KIFAP3: variants seen among roughly 807,000 people sequenced by gnomAD.
KIFAP3 encodes kinesin-associated protein 3.
In KIFAP3, 68 loss-of-function variants were observed where a neutral mutation model predicts 106.5. The observed-to-expected ratio is 0.64, with a 90% CI of 0.53 to 0.78. KIFAP3 has a LOEUF of 0.78. Among genes scored for constraint, KIFAP3 ranks in the 30% least tolerant of loss-of-function variants. The probability of loss-of-function intolerance (pLI) is 0.00; values close to 1 mark genes in which losing one functional copy is unlikely to be tolerated. For synonymous variants in KIFAP3, 320 were observed against 311.5 expected, an observed-to-expected ratio of 1.03 and a Z score of -0.29; for missense variants, 780 against 941.8, an observed-to-expected ratio of 0.83 and a Z score of 2.25.
chr1:170,076,229 CA>C (rs1316236525), upstream of KIFAP3, among the ~76,000 whole-genome samples: 9 of 151,616 alleles, frequency 5.9e-5, no homozygotes. Context: ...ACAACAACAA[CA>C]AAAAAACCTA....
chr1:169,935,192 T>C (rs115240859), intron 19 of KIFAP3, among the ~76,000 whole-genome samples: 57 of 152,162 alleles, frequency 3.7e-4, no homozygotes, highest in African/African-American at 1.3e-3. Context: ...AGCATGAAGT[T>C]TGGGCACCTA....
rs777752899 is a variant in KIFAP3 at position 169,992,234 on chromosome 1, ATTTG to A, written c.1201_1204del (p.Gln401Ter). ...TATGTGGTAAAGAACACACATTGCT[ATTTG>A]TTTGTAGTTGTCATTGCCTAGGAAT... On this transcript the variant is annotated frameshift_variant, in exon 11 of 20. Transcript: ENST00000361580. LOFTEE classifies it high-confidence loss of function. 5 of 1,576,786 alleles carry A rather than the reference ATTTG, an allele frequency of 3.2e-6. No homozygotes were observed. Among genetic ancestry groups the A allele is most frequent in the Non-Finnish European group, 4.3e-6 (5 of 1,162,954 alleles).
chr1:169,983,449 T>A lies in KIFAP3; in HGVS notation c.1394-67A>T, dbSNP rs538617343. On this transcript the variant is annotated intron_variant, in intron 12 of 19. Transcript: ENST00000361580. Reference sequence around the variant, plus strand: ...AGTTTAATAATTTTTTGTTTAGTTCTCAAAAAAGCCACAACAATTTACATC... The same window carrying A: ...AGTTTAATAATTTTTTGTTTAGTTCACAAAAAAGCCACAACAATTTACATC... 12 of 1,044,244 alleles carry A rather than the reference T, an allele frequency of 1.1e-5. No individual in the cohort carries two copies. The Admixed American group carries it at 2.7e-4, about 23-fold the overall frequency. 64.7% of individuals were successfully genotyped at this position (1,044,244 alleles called of 1,614,324 possible). A position where few individuals can be genotyped will look rare whatever the true frequency, so the allele number is the denominator to read the frequency against.
intron 5 of KIFAP3, among the ~76,000 whole-genome samples, chr1:170,037,567 T>TAA (rs754282799): frequency 5.1e-5 from 7 of 137,552 alleles, no homozygotes; most frequent in African/African-American, 1.3e-4. Flanking sequence ...CTGTCTCTAC[T>TAA]AAAAAAAAAA....
intron 3 of KIFAP3, among the ~76,000 whole-genome samples, chr1:170,039,757 T>C (rs910285707): frequency 1.7e-4 from 26 of 152,188 alleles, no homozygotes; most frequent in African/African-American, 3.4e-4. Flanking sequence ...TATAGAATAG[T>C]TGCTAACTGG....
At chr1:169,971,545 A>C (rs1665919804) in intron 17 of KIFAP3, among the ~76,000 whole-genome samples, 1 of 152,076 alleles carries the variant, frequency 6.6e-6, no homozygotes. Flanking sequence ...AGTCAAATCC[A>C]AAAAACAGAT....
chr1:170,081,943 A>T (rs1346513534), intron 1 of KIFAP3, among the ~76,000 whole-genome samples: 2 of 152,190 alleles, frequency 1.3e-5, no homozygotes, highest in African/African-American at 4.8e-5. Context: ...GTCAGACAAT[A>T]CCAATTGGTG....
At chr1:170,010,867 T>C (rs893352076) in intron 10 of KIFAP3, among the ~76,000 whole-genome samples, 11 of 152,022 alleles carry the variant, frequency 7.2e-5, no homozygotes, top group African/African-American at 2.7e-4. Context: ...TAAAAATCAC[T>C]TATGCTAAGT....
Position 170,055,388 on chromosome 1 carries a change from G to T in KIFAP3, c.81C>A (p.Leu27=). The T allele has an allele frequency of 6.2e-7, 1 of 1,609,080 alleles. No homozygotes were observed. The highest frequency in any genetic ancestry group is 1.1e-5 in the South Asian group (1 of 90,542). The stretch of plus-strand genomic sequence containing the variant: ...TAGCTTCCACTTCATAGTGAACAAT[G>T]AGTGCTTTTTCTGATGGATGTACAT... ...NIDVHPSEKA[L]IVHYEVEATI... is the part of the protein sequence containing the mutation. Residue 27 remains leucine (L), a synonymous_variant, in exon 2 of 20, where the codon CTC becomes CTA. Transcript: ENST00000361580.
At chr1:170,021,391 C>T (rs1262577016) in intron 9 of KIFAP3, among the ~76,000 whole-genome samples, 1 of 145,274 alleles carries the variant, frequency 6.9e-6, no homozygotes, top group East Asian at 2.0e-4. Context: ...CTGGTTGTTA[C>T]AGCAAAACTT....
At chr1:170,002,903 A>C (rs931937018) in intron 10 of KIFAP3, among the ~76,000 whole-genome samples, 1 of 152,118 alleles carries the variant, frequency 6.6e-6, no homozygotes, top group Non-Finnish European at 1.5e-5. Context: ...TGAGCTAAGG[A>C]GGTATCCCAA....
intron 8 of KIFAP3, among the ~76,000 whole-genome samples, chr1:170,028,659 TGTATAA>T (rs1278382843): frequency 1.3e-5 from 2 of 152,170 alleles, no homozygotes; most frequent in South Asian, 2.1e-4. Flanking sequence ...TTATAACATA[TGTATAA>T]GTATAATAAA....
In KIFAP3 at chr1:169,984,656, C is replaced by T. The variant is rs771901370; in HGVS notation, c.1319G>A (p.Arg440Gln). The T allele has an allele frequency of 1.4e-5, 22 of 1,607,466 alleles. No homozygotes were observed. Among genetic ancestry groups the T allele is most frequent in the South Asian group, 2.2e-5 (2 of 90,472 alleles). Residue 440 changes from arginine to glutamine, a missense_variant, in exon 12 of 20, where the codon CGA becomes CAA. By Grantham distance (43) the Arg-to-Gln change is conservative (BLOSUM62 1). Coordinates refer to ENST00000361580, the MANE Select transcript of KIFAP3 (RefSeq NM_014970.4). The stretch of plus-strand genomic sequence containing the variant: ...GAAAGAAATGAGTTCCAAGTCAATT[C>T]GTTCATCTGAACATTCAAACAGCAT... Reference protein sequence around the residue: ...MKMLFECSDERIDLELISFCI... With the variant: ...MKMLFECSDEQIDLELISFCI...
chr1:170,029,793 T>C (rs995844928), intron 8 of KIFAP3, among the ~76,000 whole-genome samples: 2 of 151,990 alleles, frequency 1.3e-5, no homozygotes, highest in African/African-American at 4.8e-5. Context: ...AAGTGATGGA[T>C]AGAACAAAAT....
chr1:170,006,852 A>G (rs606689), intron 10 of KIFAP3, among the ~76,000 whole-genome samples: 10,849 of 152,206 alleles, frequency 0.071, 422 homozygotes, highest in Non-Finnish European at 0.095. Flanking sequence ...TGCTATTTAG[A>G]AGACATCCGT....
At chr1:170,022,467 G>A (rs1195345254) in intron 9 of KIFAP3, among the ~76,000 whole-genome samples, 1 of 151,560 alleles carries the variant, frequency 6.6e-6, no homozygotes, top group African/African-American at 2.4e-5. Context: ...TTCCCAGGAG[G>A]CAAAGAAGAA....
At chr1:169,944,041 T>C (rs535736817) in intron 19 of KIFAP3, among the ~76,000 whole-genome samples, 3 of 152,304 alleles carry the variant, frequency 2.0e-5, no homozygotes, top group South Asian at 2.1e-4. Context: ...CCAGAAACCA[T>C]TGTGGCTGGC....
intron 18 of KIFAP3, among the ~76,000 whole-genome samples, chr1:169,956,153 A>G (rs1224248687): frequency 6.6e-6 from 1 of 152,204 alleles, no homozygotes; most frequent in Non-Finnish European, 1.5e-5. Flanking sequence ...AACAAAGCTA[A>G]GTAAAATGCC....
intron 19 of KIFAP3, among the ~76,000 whole-genome samples, chr1:169,933,778 AC>A (rs1172496465): frequency 6.6e-6 from 1 of 152,104 alleles, no homozygotes; most frequent in Non-Finnish European, 1.5e-5. Context: ...TATGAAATTC[AC>A]CCAAACTAAC....
Sources: gnomAD v4.1 joint callset for allele counts (sites outside exome capture counted in the v4.1 genomes callset) on GRCh38, gnomAD v4.1.1 for gene constraint, MANE v1.5 for transcripts, NCBI Gene and HGNC (gene_info 2026-07-23, HGNC 2026-07-21) for gene names.